Variants in FOXK2 observed in about 807,000 individuals in gnomAD.
FOXK2 encodes forkhead box protein K2.
Under a neutral mutation model 53.3 loss-of-function variants are expected in FOXK2, and 24 were observed. The observed-to-expected ratio is 0.45, with a 90% CI of 0.33 to 0.63. FOXK2 has a LOEUF of 0.63. Ranked by LOEUF, FOXK2 falls within the 30% of genes least tolerant of loss-of-function variation. FOXK2 has a pLI of 0.03. For synonymous variants in FOXK2, 505 were observed against 407.1 expected, an observed-to-expected ratio of 1.24 and a Z score of -2.89; for missense variants, 952 against 910.5, an observed-to-expected ratio of 1.05 and a Z score of -0.59.
At chr17:82,570,173 A>G (rs1002177704) in intron 3 of FOXK2, among the ~76,000 whole-genome samples, 14 of 151,428 alleles carry the variant, frequency 9.2e-5, no homozygotes, top group South Asian at 8.3e-4. Context: ...AGTGAGCCGA[A>G]ATCGCGCCAC....
At chr17:82,558,636 C>T (rs1024061227) in intron 1 of FOXK2, among the ~76,000 whole-genome samples, 2 of 152,178 alleles carry the variant, frequency 1.3e-5, no homozygotes, top group African/African-American at 4.8e-5. Flanking sequence ...GGAGGACCGG[C>T]GGGGAGTCTG....
At chr17:82,538,439 C>T (rs983500213) in intron 1 of FOXK2, among the ~76,000 whole-genome samples, 10 of 152,154 alleles carry the variant, frequency 6.6e-5, no homozygotes, top group African/African-American at 1.9e-4. Context: ...GAGCCATGCT[C>T]GTGCCGCTGC....
chr17:82,561,715 G>A (rs560834547), intron 1 of FOXK2, among the ~76,000 whole-genome samples: 2 of 152,294 alleles, frequency 1.3e-5, no homozygotes, highest in East Asian at 1.9e-4. Context: ...TCCCGACCCC[G>A]GCTAGAGGGT....
Position 82,520,829 on chromosome 17 carries a change from C to G in FOXK2, c.419+522C>G, listed in dbSNP as rs555925890. Among the ~76,000 whole-genome samples, 11 of 152,294 alleles carry G rather than the reference C, an allele frequency of 7.2e-5. No homozygotes were observed. The East Asian group carries it at 2.1e-3, about 29-fold the overall frequency. The stretch of plus-strand genomic sequence containing the variant: ...AGCAGGAAGGACTCCTTTTTCCCTG[C>G]CGTGTTTTCAGTAGGCCAAATTGGA... On this transcript the variant is annotated intron_variant, in intron 1 of 8. Transcript: ENST00000335255.
At chr17:82,532,096 A>G (rs8078873) in intron 1 of FOXK2, among the ~76,000 whole-genome samples, 144,061 of 152,032 alleles carry the variant, frequency 0.95, 68,348 homozygotes, top group East Asian at 1. Context: ...GTAAACACCT[A>G]CCTTGGCCTC....
At chr17:82,585,668 G>C (rs1229483487) in intron 6 of FOXK2, among the ~76,000 whole-genome samples, 1 of 152,122 alleles carries the variant, frequency 6.6e-6, no homozygotes, top group Non-Finnish European at 1.5e-5. Flanking sequence ...GGGGTTACCA[G>C]ATATCTAAAT....
chr17:82,564,884 C>T (rs2044837429), intron 2 of FOXK2, among the ~76,000 whole-genome samples: 1 of 152,006 alleles, frequency 6.6e-6, no homozygotes, highest in African/African-American at 2.4e-5. Flanking sequence ...GCATGCACCA[C>T]CACGCCCGGC....
chr17:82,553,942 T>C (rs1201254042), intron 1 of FOXK2, among the ~76,000 whole-genome samples: 1 of 152,126 alleles, frequency 6.6e-6, no homozygotes, highest in Non-Finnish European at 1.5e-5. Context: ...CATGCCATTC[T>C]CCTGCCTCAG....
chr17:82,586,102 C>A lies in FOXK2; in HGVS notation c.1478C>A (p.Thr493Lys), dbSNP rs144577090. 3.1e-6 allele frequency: 5 copies of A among 1,612,740 alleles called. No homozygotes were observed. Among genetic ancestry groups the A allele is most frequent in the East Asian group, 2.2e-5 (1 of 44,882 alleles). Residue 493 changes from threonine (T) to lysine (K), a missense_variant, in exon 7 of 9, where the codon ACG becomes AAG. Transcript: ENST00000335255. ...TSVAGLAPANTYTVSGQAVVT... is the reference protein window; with the variant it reads ...TSVAGLAPANKYTVSGQAVVT... Reference sequence around the variant, plus strand: ...GTGGCCGGACTGGCCCCAGCGAACACGTACACTGTCTCTGGACAAGCTGTG... The same window carrying A: ...GTGGCCGGACTGGCCCCAGCGAACAAGTACACTGTCTCTGGACAAGCTGTG...
intron 7 of FOXK2, 97 bp from the exon 8 acceptor site, chr17:82,586,966 C>A: frequency 1.9e-6 from 2 of 1,051,872 alleles, no homozygotes; most frequent in Non-Finnish European, 2.9e-6. Context: ...CATTTTCTAG[C>A]AGGTGTGATA....
Position 82,520,145 on chromosome 17 carries a change from C to CG in FOXK2, c.260dup (p.Gly88ArgfsTer82). Reference sequence around the variant, plus strand: ...CGCCACCTCGAGATCTTCACGCCCCCGGGCGGCGGCGGCCATGGCGGGGCC... The same window carrying CG: ...CGCCACCTCGAGATCTTCACGCCCCCGGGGCGGCGGCGGCCATGGCGGGGCC... On this transcript the variant is annotated frameshift_variant, in exon 1 of 9. Coordinates refer to ENST00000335255, the MANE Select transcript of FOXK2 (RefSeq NM_004514.4). LOFTEE classifies it high-confidence loss of function. 1 of 1,522,390 alleles carries CG rather than the reference C, an allele frequency of 6.6e-7. No individual in the cohort carries two copies. The highest frequency in any genetic ancestry group is 8.8e-7 in the Non-Finnish European group (1 of 1,134,810). The allele number at this position is 1,522,390 out of a possible 1,614,324, so 94.3% of individuals were successfully genotyped here. A position where few individuals can be genotyped will look rare whatever the true frequency, so the allele number is the denominator to read the frequency against.
intron 1 of FOXK2, among the ~76,000 whole-genome samples, chr17:82,538,622 C>T (rs1015774700): frequency 1.3e-5 from 2 of 152,218 alleles, no homozygotes; most frequent in African/African-American, 2.4e-5. Context: ...TGGGGTTTTT[C>T]TGTGTATCAT....
chr17:82,576,635 A>G, intron 4 of FOXK2: 1 of 1,103,882 alleles, frequency 9.1e-7, no homozygotes, highest in Non-Finnish European at 1.4e-6. Flanking sequence ...TGTTCTGGGA[A>G]GCTGGCACAG....
In FOXK2 at chr17:82,603,717, GTGTT is replaced by G. The variant is rs760086092; in HGVS notation, c.*2220_*2223del. On this transcript the variant is annotated 3_prime_UTR_variant, in exon 9 of 9. Coordinates refer to ENST00000335255, the MANE Select transcript of FOXK2 (RefSeq NM_004514.4). ...TTCAAATGGTAAAGAAGGGAGGAGG[GTGTT>G]TTTTTTTTTTTTTTTTGCCGTAGGC... The G allele has an allele frequency of 4.7e-5, 4 of 84,602 alleles. No individual in the cohort carries two copies. The highest frequency in any genetic ancestry group is 1.9e-4 in the Admixed American group (1 of 5,334). The allele number at this position is 84,602 out of a possible 1,614,324, so 5.2% of individuals were successfully genotyped here.
intron 8 of FOXK2, among the ~76,000 whole-genome samples, chr17:82,596,693 G>C (rs1053134592): frequency 1.3e-5 from 2 of 152,194 alleles, no homozygotes; most frequent in African/African-American, 4.8e-5. Flanking sequence ...GTGAACTGTA[G>C]GATTCCTACA....
intron 8 of FOXK2, among the ~76,000 whole-genome samples, chr17:82,588,886 T>TAAAAA (rs71369024): frequency 2.5e-5 from 3 of 122,048 alleles, no homozygotes; most frequent in South Asian, 2.8e-4. Flanking sequence ...CCATTTCTAC[T>TAAAAA]AAAAAAAAAA....
At chr17:82,535,850 C>A (rs1360917124) in intron 1 of FOXK2, among the ~76,000 whole-genome samples, 1 of 149,954 alleles carries the variant, frequency 6.7e-6, no homozygotes, top group African/African-American at 2.5e-5. Flanking sequence ...TCAAGCGATT[C>A]TCCCGCCTCA....
chr17:82,546,156 G>A (rs1472604464), intron 1 of FOXK2, among the ~76,000 whole-genome samples: 6 of 120,842 alleles, frequency 5.0e-5, no homozygotes, highest in Admixed American at 2.2e-4. Context: ...TCGCTTGGTC[G>A]CCCAGGCTGG....
chr17:82,559,216 G>C (rs962275312), intron 1 of FOXK2: 1 of 384,990 alleles, frequency 2.6e-6, no homozygotes, highest in African/African-American at 2.1e-5. Flanking sequence ...GTTTGATTTG[G>C]TGTCCTGAGT....
Sources: gnomAD v4.1 joint callset for allele counts (sites outside exome capture counted in the v4.1 genomes callset) on GRCh38, gnomAD v4.1.1 for gene constraint, MANE v1.5 for transcripts, NCBI Gene and HGNC (gene_info 2026-07-23, HGNC 2026-07-21) for gene names.